The following FOXK1 variants were observed in gnomAD, a reference collection of about 807,000 sequenced individuals.
FOXK1 encodes the protein forkhead box K1, also known as forkhead box protein K1.
A neutral mutation model predicts 51.9 loss-of-function variants in FOXK1; 19 were observed. That is an observed-to-expected ratio of 0.37 (90% CI 0.26 to 0.54). The LOEUF (loss-of-function observed/expected upper bound fraction) is 0.54, where lower values mean the gene tolerates loss of function less well. Among genes scored for constraint, FOXK1 ranks in the 20% least tolerant of loss-of-function variants. FOXK1 has a pLI of 0.87. For missense variants in FOXK1, 870 were observed against 1,032.7 expected (o/e 0.84, Z 2.16); for synonymous variants, 537 against 482.6 (o/e 1.11, Z -1.48).
chr7:4,705,655 G>T (rs1441314752), intron 1 of FOXK1, among the ~76,000 whole-genome samples: 1 of 151,118 alleles, frequency 6.6e-6, no homozygotes, highest in Non-Finnish European at 1.5e-5. Context: ...TCCTGCCTCA[G>T]CCTCCCAAGC....
chr7:4,756,180 TCTC>T lies in FOXK1; in HGVS notation c.1050+798_1050+800del, dbSNP rs1232079567. On this transcript the variant is annotated intron_variant, in intron 4 of 8. Coordinates refer to ENST00000328914, the MANE Select transcript of FOXK1 (RefSeq NM_001037165.2). The surrounding 1 kb of genome is among the most constrained non-coding windows in gnomAD (Gnocchi z 4.1). ...TCCCGGCTGGAGTGTGGTGGCGCGA[TCTC>T]AGCTCACTGCAACCTTCGCCTCCCA... 1.3e-5 allele frequency among the ~76,000 whole-genome samples: 2 copies of T among 152,166 alleles called. No homozygotes were observed. The highest frequency in any genetic ancestry group is 1.3e-4 in the Admixed American group (2 of 15,282).
rs377711632 is a variant in FOXK1, at chr7:4,722,559, C to T, written c.561-18279C>T. Among the ~76,000 whole-genome samples, 20 of 152,326 alleles carry T rather than the reference C, an allele frequency of 1.3e-4. No individual in the cohort carries two copies. Among genetic ancestry groups the T allele is most frequent in the African/African-American group, 3.8e-4 (16 of 41,572 alleles). On this transcript the variant is annotated intron_variant, in intron 1 of 8. Coordinates refer to ENST00000328914, the MANE Select transcript of FOXK1 (RefSeq NM_001037165.2). The surrounding 1 kb of genome is among the most constrained non-coding windows in gnomAD (Gnocchi z 5.1). ...TACACTCGTGCCTGTTAACCGCACA[C>T]CTGCGTGCAGCACGGGCACACTCGT...
At position 4,722,674 on chromosome 7, in the gene FOXK1, G is replaced by A. The variant is rs1780330149; in HGVS notation, c.561-18164G>A. Among the ~76,000 whole-genome samples, 1 of 152,226 alleles carries A rather than the reference G, an allele frequency of 6.6e-6. No individual in the cohort carries two copies. The highest frequency in any genetic ancestry group is 2.4e-5 in the African/African-American group (1 of 41,472). ...TTTCTGAGAAACGGGATTTTCCTTG[G>A]GTGAAACGAGGAAGTCGTAGGAGAC... On this transcript the variant is annotated intron_variant, in intron 1 of 8. Coordinates refer to ENST00000328914, the MANE Select transcript of FOXK1 (RefSeq NM_001037165.2). The surrounding 1 kb of genome is among the most constrained non-coding windows in gnomAD (Gnocchi z 5.1).
rs1046197828 is a variant in FOXK1 at position 4,725,421 on chromosome 7, G to A, written c.561-15417G>A. ...CACTGCTGTTGCCCAAAGTGAAACC[G>A]GGCTTAGTTGTTGTCTCAGGAGCCC... is the stretch of plus-strand genomic sequence containing the variant. On this transcript the variant is annotated intron_variant, in intron 1 of 8. Coordinates refer to ENST00000328914, the MANE Select transcript of FOXK1 (RefSeq NM_001037165.2). Among the ~76,000 whole-genome samples the A allele has an allele frequency of 2.6e-5, 4 of 152,226 alleles. No individual in the cohort carries two copies. The East Asian group carries it at 5.8e-4, about 22-fold the overall frequency.
In FOXK1 at chr7:4,749,862, G is replaced by A. The variant is rs77951768; in HGVS notation, c.747-4597G>A. Among the ~76,000 whole-genome samples the A allele has an allele frequency of 0.037, 5,678 of 152,276 alleles. 146 individuals carry two copies. The highest frequency in any genetic ancestry group is 0.075 in the African/African-American group (3,100 of 41,548). On this transcript the variant is annotated intron_variant, in intron 2 of 8. Transcript: ENST00000328914. This position sits in a 1 kb window ranked among gnomAD's most constrained non-coding sequence, Gnocchi z 6.0. ...TGTTGTTGGATTTGCCTTTCTCAGC[G>A]TGACTTCTCATCATAACGTGACCCA...
intron 1 of FOXK1, among the ~76,000 whole-genome samples, chr7:4,726,834 C>T (rs1423363353): frequency 1.3e-5 from 2 of 152,204 alleles, no homozygotes; most frequent in African/African-American, 4.8e-5. Flanking sequence ...TCATACATCA[C>T]CAGAGTGTTC....
At chr7:4,690,071 A>T (rs1254661477) in intron 1 of FOXK1, among the ~76,000 whole-genome samples, 1 of 152,198 alleles carries the variant, frequency 6.6e-6, no homozygotes, top group African/African-American at 2.4e-5. Context: ...AGCTGTGATT[A>T]GGGAGGGTTG....
In FOXK1 at chr7:4,733,102, G is replaced by A. The variant is rs1459485908; in HGVS notation, c.561-7736G>A. On this transcript the variant is annotated intron_variant, in intron 1 of 8. Coordinates refer to ENST00000328914, the MANE Select transcript of FOXK1 (RefSeq NM_001037165.2). This position sits in a 1 kb window ranked among gnomAD's most constrained non-coding sequence, Gnocchi z 5.0. ...TTCACCCTCTTCCTGGATTCTTTCA[G>A]TTAGGACGTAGTTTTGATTTTGCAA... is the stretch of plus-strand genomic sequence containing the variant. 6.6e-6 allele frequency among the ~76,000 whole-genome samples: 1 copy of A among 152,088 alleles called. No individual in the cohort carries two copies. The highest frequency in any genetic ancestry group is 1.5e-5 in the Non-Finnish European group (1 of 68,014).
intron 1 of FOXK1, among the ~76,000 whole-genome samples, chr7:4,718,093 T>G (rs1780259902): frequency 6.6e-6 from 1 of 152,180 alleles, no homozygotes; most frequent in East Asian, 1.9e-4. Context: ...GGACACACTT[T>G]CCATTTGGAA....
Position 4,707,807 on chromosome 7 carries a change from C to G in FOXK1, c.560+24939C>G, listed in dbSNP as rs573563517. On this transcript the variant is annotated intron_variant, in intron 1 of 8. Transcript: ENST00000328914. This position sits in a 1 kb window ranked among gnomAD's most constrained non-coding sequence, Gnocchi z 4.1. The stretch of plus-strand genomic sequence containing the variant: ...TCAAGCAATTCTCCTACCTCAGCCC[C>G]CCAAGTAGCTGGGATGATAGGGCCC... 3.9e-5 allele frequency among the ~76,000 whole-genome samples: 6 copies of G among 152,176 alleles called. No homozygotes were observed. The East Asian group carries it at 1.2e-3, about 29-fold the overall frequency.
intron 1 of FOXK1, among the ~76,000 whole-genome samples, chr7:4,701,217 C>G (rs1265223312): frequency 6.6e-6 from 1 of 152,166 alleles, no homozygotes; most frequent in South Asian, 2.1e-4. Context: ...TTGTGTTTTT[C>G]TGAGCTGCTT....
In FOXK1 at chr7:4,758,815, C is replaced by A; in HGVS notation, c.1245-236C>A. On this transcript the variant is annotated intron_variant, in intron 5 of 8. Coordinates refer to ENST00000328914, the MANE Select transcript of FOXK1 (RefSeq NM_001037165.2). The surrounding 1 kb of genome is among the most constrained non-coding windows in gnomAD (Gnocchi z 4.4). ...TTGTTGCGTTCACTGCAGCACCTCA[C>A]ATGATACCGTCCCCTCTCATGGAAC... is the stretch of plus-strand genomic sequence containing the variant. 1.8e-6 allele frequency: 1 copy of A among 559,502 alleles called. No individual in the cohort carries two copies. 34.7% of individuals were successfully genotyped at this position (559,502 alleles called of 1,614,324 possible).
chr7:4,738,159 A>T (rs1780581683), intron 1 of FOXK1, among the ~76,000 whole-genome samples: 1 of 149,858 alleles, frequency 6.7e-6, no homozygotes, highest in Non-Finnish European at 1.5e-5. Flanking sequence ...TGATGTGGCC[A>T]GTCACGGTGG....
intron 1 of FOXK1, among the ~76,000 whole-genome samples, chr7:4,688,383 TC>T (rs1234999811): frequency 1.3e-5 from 2 of 150,358 alleles, no homozygotes; most frequent in African/African-American, 4.9e-5. Context: ...GGTTGTTTTT[TC>T]TTTTCTTTTC....
At chr7:4,721,951 A>T (rs1271025734) in intron 1 of FOXK1, among the ~76,000 whole-genome samples, 1 of 152,210 alleles carries the variant, frequency 6.6e-6, no homozygotes, top group Non-Finnish European at 1.5e-5. Flanking sequence ...ATGTAAATGC[A>T]TCCCTTTCTC....
intron 1 of FOXK1, among the ~76,000 whole-genome samples, chr7:4,697,974 G>A (rs974112373): frequency 6.6e-6 from 1 of 151,830 alleles, no homozygotes; most frequent in African/African-American, 2.4e-5. Flanking sequence ...ACAAGGGTGC[G>A]CCATCATGCC....
rs778073141 is a variant in FOXK1 at position 4,731,335 on chromosome 7, G to A, written c.561-9503G>A. ...GGCGAGCCAGGTTTAGTACTTTATC[G>A]GGTATCCTAAAGACACGTTGCAGCC... On this transcript the variant is annotated intron_variant, in intron 1 of 8. Coordinates refer to ENST00000328914, the MANE Select transcript of FOXK1 (RefSeq NM_001037165.2). The surrounding 1 kb of genome is among the most constrained non-coding windows in gnomAD (Gnocchi z 5.3). 1.3e-4 allele frequency among the ~76,000 whole-genome samples: 20 copies of A among 152,176 alleles called. No homozygotes were observed. Among genetic ancestry groups the A allele is most frequent in the Admixed American group, 1.3e-4 (2 of 15,278 alleles).
chr7:4,686,894 G>A (rs1368332007), intron 1 of FOXK1, among the ~76,000 whole-genome samples: 1 of 151,752 alleles, frequency 6.6e-6, no homozygotes, highest in Admixed American at 6.6e-5. Context: ...GCACATGTGT[G>A]TGTGTGCTGT....
intron 1 of FOXK1, among the ~76,000 whole-genome samples, chr7:4,685,969 A>C (rs554049438): frequency 1.2e-4 from 19 of 152,010 alleles, no homozygotes; most frequent in South Asian, 2.1e-4. Flanking sequence ...AAAAAAAAAA[A>C]ACCAAAAAAC....
Sources: gnomAD v4.1 joint callset for allele counts (sites outside exome capture counted in the v4.1 genomes callset) on GRCh38, gnomAD v4.1.1 for gene constraint, Gnocchi (gnomAD v3.1) non-coding constraint, MANE v1.5 for transcripts, NCBI Gene and HGNC (gene_info 2026-07-23, HGNC 2026-07-21) for gene names.